Variants in PLAT observed in about 807,000 individuals in gnomAD.
PLAT encodes the protein plasminogen activator, tissue type.
In PLAT, 48 loss-of-function variants were observed where a neutral mutation model predicts 74.9. That is an observed-to-expected ratio of 0.64 (90% CI 0.51 to 0.82). PLAT has a LOEUF of 0.82. Among genes scored for constraint, PLAT ranks in the 40% least tolerant of loss-of-function variants. PLAT has a pLI of 0.00. For missense variants in PLAT, 673 were observed against 736.2 expected, an observed-to-expected ratio of 0.91 and a Z score of 0.99; for synonymous variants, 307 against 294.4, an observed-to-expected ratio of 1.04 and a Z score of -0.44.
Position 42,180,198 on chromosome 8 carries a change from T to G in PLAT, c.1222+44A>C, listed in dbSNP as rs751695406. 3.7e-6 allele frequency: 6 copies of G among 1,611,570 alleles called. No homozygotes were observed. The East Asian group carries it at 6.7e-5, about 18-fold the overall frequency. On this transcript the variant is annotated intron_variant, in intron 11 of 13. Transcript: ENST00000220809. ...CATAGGTGAGTGCATGTGGGTGTGT[T>G]GTGTGATCTGTATGAACTGGAGCCG... is the stretch of plus-strand genomic sequence containing the variant.
At chr8:42,193,966 G>T (rs1269767179) in intron 1 of PLAT, among the ~76,000 whole-genome samples, 3 of 149,682 alleles carry the variant, frequency 2.0e-5, no homozygotes, top group Admixed American at 6.7e-5. Context: ...CGCTCGCCTT[G>T]GCCTCCCAAA....
chr8:42,207,028 C>G (rs947911775), intron 1 of PLAT, among the ~76,000 whole-genome samples: 6 of 152,160 alleles, frequency 3.9e-5, no homozygotes, highest in African/African-American at 1.4e-4. Flanking sequence ...CCCTCTGCCC[C>G]ATCCACAGCC....
At chr8:42,202,880 G>A (rs1360856704) in intron 1 of PLAT, among the ~76,000 whole-genome samples, 1 of 152,176 alleles carries the variant, frequency 6.6e-6, no homozygotes, top group Non-Finnish European at 1.5e-5. Flanking sequence ...GAAGGAGTTA[G>A]GCAGACAGTG....
At chr8:42,193,074 C>G (rs372535625) in intron 2 of PLAT, 40 bp downstream of exon 2, 1 of 1,430,596 alleles carries the variant, frequency 7.0e-7, no homozygotes, top group Non-Finnish European at 9.9e-7. Flanking sequence ...GGAAGCATCA[C>G]AGCCTTGAGG....
chr8:42,180,205 T>A (rs1472919565), intron 11 of PLAT, 37 bp downstream of exon 11: 1 of 1,612,906 alleles, frequency 6.2e-7, no homozygotes, highest in Non-Finnish European at 8.5e-7. Context: ...TGTTGTGTGA[T>A]CTGTATGAAC....
intron 1 of PLAT, among the ~76,000 whole-genome samples, chr8:42,205,833 G>A (rs1806310974): frequency 6.6e-6 from 1 of 152,194 alleles, no homozygotes; most frequent in Admixed American, 6.5e-5. Context: ...TCACATGTGT[G>A]TTCTTAACAT....
chr8:42,194,360 C>G (rs1805825285), intron 1 of PLAT, among the ~76,000 whole-genome samples: 1 of 151,812 alleles, frequency 6.6e-6, no homozygotes, highest in Non-Finnish European at 1.5e-5. Context: ...CTCAGCCTCC[C>G]AAAGTGCTGG....
chr8:42,194,475 A>AT (rs1178802849), intron 1 of PLAT, among the ~76,000 whole-genome samples: 1 of 152,124 alleles, frequency 6.6e-6, no homozygotes. Context: ...TCGTCTGTCA[A>AT]TGCTGGGAGA....
At chr8:42,189,484 C>T (rs983125466) in intron 3 of PLAT, among the ~76,000 whole-genome samples, 1 of 151,620 alleles carries the variant, frequency 6.6e-6, no homozygotes, top group African/African-American at 2.4e-5. Flanking sequence ...TACCACTGCA[C>T]TCCAGCCTGG....
intron 1 of PLAT, among the ~76,000 whole-genome samples, chr8:42,203,048 T>C (rs1032853103): frequency 6.6e-6 from 1 of 152,160 alleles, no homozygotes; most frequent in East Asian, 1.9e-4. Flanking sequence ...ACGTGTGCTT[T>C]GGAATCTCTG....
At chr8:42,188,040 C>A (rs1587935450) in intron 4 of PLAT, 24 bp from the exon 5 acceptor site, 2 of 1,434,142 alleles carry the variant, frequency 1.4e-6, no homozygotes, top group Non-Finnish European at 2.0e-6. Context: ...AAAAGGAAGC[C>A]CCTAATGACA....
chr8:42,189,936 C>T (rs1312168626), intron 3 of PLAT, among the ~76,000 whole-genome samples: 7 of 136,196 alleles, frequency 5.1e-5, no homozygotes, highest in Admixed American at 7.2e-5. Context: ...TTTTTTTTTT[C>T]GAGGGTCTCT....
chr8:42,194,047 TTTC>T (rs1805797412), intron 1 of PLAT, among the ~76,000 whole-genome samples: 2 of 83,756 alleles, frequency 2.4e-5, no homozygotes, highest in African/African-American at 1.2e-4. Context: ...TTCTTTCTTC[TTTC>T]TTTTTTTTTT....
At chr8:42,183,624 G>A (rs542882374) in intron 7 of PLAT, among the ~76,000 whole-genome samples, 6 of 152,242 alleles carry the variant, frequency 3.9e-5, no homozygotes, top group African/African-American at 7.2e-5. Flanking sequence ...GGTATGAGCC[G>A]TGGAGTGCTG....
intron 4 of PLAT, 25 bp downstream of exon 4, chr8:42,188,909 A>G: frequency 6.3e-7 from 1 of 1,599,166 alleles, no homozygotes. Context: ...ACAGGCATGC[A>G]CCACCTCCCA....
intron 1 of PLAT, among the ~76,000 whole-genome samples, chr8:42,206,415 A>G (rs1408833023): frequency 2.6e-5 from 4 of 152,218 alleles, no homozygotes; most frequent in Non-Finnish European, 2.9e-5. Flanking sequence ...AGATCCCAGA[A>G]TGAGCGTTCT....
At chr8:42,198,998 G>A (rs1275833210) in intron 1 of PLAT, among the ~76,000 whole-genome samples, 1 of 152,212 alleles carries the variant, frequency 6.6e-6, no homozygotes, top group Non-Finnish European at 1.5e-5. Context: ...GAGATGCTGG[G>A]AGAGGAACTA....
Position 42,196,830 on chromosome 8 carries a change from G to T in PLAT, c.-26-3619C>A, listed in dbSNP as rs144322753. On this transcript the variant is annotated intron_variant, in intron 1 of 13. Coordinates refer to ENST00000220809, the MANE Select transcript of PLAT (RefSeq NM_000930.5). ...TTAGTAGCTTCTCAGGATCATCAAA[G>T]AACTGAAAAAAAAAAAGGCAAATGA... Among the ~76,000 whole-genome samples, 49 of 142,726 alleles carry T rather than the reference G, an allele frequency of 3.4e-4. No individual in the cohort carries two copies. In the East Asian group the frequency reaches 8.2e-3, roughly 24 times the overall value. 93.6% of individuals were successfully genotyped at this position (142,726 alleles called of 152,430 possible).
At chr8:42,194,623 G>A (rs1206388780) in intron 1 of PLAT, among the ~76,000 whole-genome samples, 2 of 152,192 alleles carry the variant, frequency 1.3e-5, no homozygotes, top group Non-Finnish European at 2.9e-5. Context: ...TGGAGCCGCA[G>A]TCATGTCCTC....
Sources: allele counts gnomAD v4.1 joint callset (sites outside exome capture counted in the v4.1 genomes callset), GRCh38; gene constraint gnomAD v4.1.1; transcripts MANE v1.5; gene names NCBI Gene and HGNC (gene_info 2026-07-23, HGNC 2026-07-21).